MROH2B: variants seen among roughly 807,000 people sequenced by gnomAD.
MROH2B encodes the protein maestro heat-like repeat-containing protein family member 2B.
MROH2B carries 177 observed loss-of-function variants against 208.6 expected under a neutral mutation model. The observed-to-expected ratio is 0.85, with a 90% confidence interval of 0.75 to 0.96. MROH2B has a LOEUF of 0.96. Among genes scored for constraint, MROH2B ranks in the 40% least tolerant of loss-of-function variants. The pLI is 0.00. For missense variants in MROH2B, 2,002 were observed against 1,878.7 expected (o/e 1.07, Z -1.21); for synonymous variants, 728 against 659.0 (o/e 1.10, Z -1.60).
chr5:41,066,603 C>T (rs1195586190), intron 3 of MROH2B, among the ~76,000 whole-genome samples: 1 of 152,170 alleles, frequency 6.6e-6, no homozygotes, highest in African/African-American at 2.4e-5. Flanking sequence ...ACCCAGAAAT[C>T]TCAAACCCTG....
At chr5:41,037,409 A>C (rs1268153223) in intron 21 of MROH2B, among the ~76,000 whole-genome samples, 2 of 152,208 alleles carry the variant, frequency 1.3e-5, no homozygotes, top group Non-Finnish European at 2.9e-5. Flanking sequence ...CTTGAGGAGC[A>C]TGTTGAAAAT....
At chr5:41,000,472 A>G (rs1217483247) in intron 38 of MROH2B, 121 bp from the exon 39 acceptor site, 2 of 1,390,332 alleles carry the variant, frequency 1.4e-6, no homozygotes, top group South Asian at 3.0e-5. Context: ...ATGGCTTTAT[A>G]GTCATTGCTG....
At chr5:40,999,647 T>A in intron 40 of MROH2B, 30 bp downstream of exon 40, 5 of 1,573,712 alleles carry the variant, frequency 3.2e-6, no homozygotes, top group Non-Finnish European at 1.7e-6. Context: ...AGCAGACATA[T>A]CTGGGTAGGA....
At chr5:41,007,775 T>C (rs1741642706) in intron 33 of MROH2B, among the ~76,000 whole-genome samples, 1 of 152,254 alleles carries the variant, frequency 6.6e-6, no homozygotes, top group African/African-American at 2.4e-5. Context: ...GGATGCATCT[T>C]GCAGTAGATG....
intron 5 of MROH2B, 21 bp from the exon 6 acceptor site, chr5:41,061,745 C>T (rs373839916): frequency 1.2e-6 from 2 of 1,606,614 alleles, no homozygotes; most frequent in African/African-American, 1.3e-5. Context: ...AACACACAAC[C>T]ACAGACTGAG....
chr5:41,032,846 A>T (rs117373407), intron 23 of MROH2B, 25 bp from the exon 24 acceptor site: 1 of 1,600,716 alleles, frequency 6.2e-7, no homozygotes, highest in Non-Finnish European at 8.5e-7. Flanking sequence ...AGGAGATTAA[A>T]TGTTTCAGAA....
chr5:41,040,853 G>C (rs980517408), intron 19 of MROH2B, among the ~76,000 whole-genome samples: 10 of 151,912 alleles, frequency 6.6e-5, no homozygotes, highest in African/African-American at 2.4e-4. Context: ...TTTCAGTAGA[G>C]ATGGGGTTTC....
intron 3 of MROH2B, 37 bp from the exon 4 acceptor site, chr5:41,065,527 A>G: frequency 1.9e-6 from 3 of 1,581,256 alleles, no homozygotes; most frequent in Non-Finnish European, 2.6e-6. Flanking sequence ...AACAACTAGA[A>G]AAGGGGCAGA....
At chr5:41,007,668 C>T (rs1391430913) in intron 33 of MROH2B, among the ~76,000 whole-genome samples, 1 of 152,126 alleles carries the variant, frequency 6.6e-6, no homozygotes, top group African/African-American at 2.4e-5. Context: ...GCCACAAAAT[C>T]TTGTCAACAC....
chr5:41,043,786 C>T (rs928023281), intron 18 of MROH2B, among the ~76,000 whole-genome samples: 21 of 152,178 alleles, frequency 1.4e-4, no homozygotes, highest in Non-Finnish European at 2.6e-4. Flanking sequence ...TTTTGACTTG[C>T]TTTGGCCAAT....
chr5:41,000,107 C>T (rs1157296326), intron 39 of MROH2B, 113 bp downstream of exon 39: 9 of 1,409,594 alleles, frequency 6.4e-6, no homozygotes, highest in Non-Finnish European at 7.8e-6. Context: ...TGCCATCCTT[C>T]CAAGGCAGTT....
At chr5:41,036,741 T>C (rs908991544) in intron 21 of MROH2B, among the ~76,000 whole-genome samples, 1 of 152,060 alleles carries the variant, frequency 6.6e-6, no homozygotes, top group Non-Finnish European at 1.5e-5. Context: ...CTGGGTGCAA[T>C]ACACCCATGC....
chr5:40,999,364 A>G (rs1394876595), intron 40 of MROH2B, among the ~76,000 whole-genome samples: 1 of 152,114 alleles, frequency 6.6e-6, no homozygotes, highest in Non-Finnish European at 1.5e-5. Flanking sequence ...GTGTTTATGT[A>G]AGGGCAGCAG....
At chr5:41,007,504 T>C (rs960626016) in intron 33 of MROH2B, 50 bp from the exon 34 acceptor site, 1 of 1,400,540 alleles carries the variant, frequency 7.1e-7, no homozygotes, top group Non-Finnish European at 9.4e-7. Flanking sequence ...TTATAGGGAA[T>C]TGCAAATTCC....
At position 41,039,428 on chromosome 5, in the gene MROH2B, AAGG is replaced by A. The variant is rs1742872540; in HGVS notation, c.2061+17_2061+19del. 6 of 1,436,284 alleles carry A rather than the reference AAGG, an allele frequency of 4.2e-6. No individual in the cohort carries two copies. The highest frequency in any genetic ancestry group is 2.0e-5 in the Admixed American group (1 of 50,846). 89.0% of individuals were successfully genotyped at this position (1,436,284 alleles called of 1,614,324 possible). A position where few individuals can be genotyped will look rare whatever the true frequency, so the allele number is the denominator to read the frequency against. On this transcript the variant is annotated intron_variant, in intron 20 of 41. Transcript: ENST00000399564. ...CTGGCCTTGCAATACTGAGAATTTG[AAGG>A]AGATGATTCTTCTTACCTTACATCG... is the stretch of plus-strand genomic sequence containing the variant.
At position 41,039,446 on chromosome 5, in the gene MROH2B, A is replaced by G. The variant is rs373583874; in HGVS notation, c.2061+2T>C. 3.9e-5 allele frequency: 60 copies of G among 1,546,436 alleles called. No homozygotes were observed. In the African/African-American group the frequency reaches 5.8e-4, roughly 15 times the overall value. Reference sequence around the variant, plus strand: ...GAATTTGAAGGAGATGATTCTTCTTACCTTACATCGATTCATGAAAAACTT... The same window carrying G: ...GAATTTGAAGGAGATGATTCTTCTTGCCTTACATCGATTCATGAAAAACTT... On this transcript the variant is annotated splice_donor_variant, in intron 20 of 41. Transcript: ENST00000399564. LOFTEE classifies it high-confidence loss of function.
intron 10 of MROH2B, 114 bp downstream of exon 10, chr5:41,055,628 C>T (rs1051908791): frequency 6.0e-6 from 4 of 671,990 alleles, no homozygotes; most frequent in African/African-American, 5.4e-5. Context: ...ATTTCATTTG[C>T]ACGTGATGTT....
intron 18 of MROH2B, among the ~76,000 whole-genome samples, chr5:41,042,725 C>A (rs1742993878): frequency 6.6e-6 from 1 of 152,170 alleles, no homozygotes. Flanking sequence ...ATGCCTCAGC[C>A]TCCTGAGTAG....
chr5:41,002,127 A>G (rs1227874882), intron 37 of MROH2B, among the ~76,000 whole-genome samples: 1 of 152,238 alleles, frequency 6.6e-6, no homozygotes, highest in African/African-American at 2.4e-5. Flanking sequence ...GAGGAAGCTA[A>G]CCAAAAACAA....
Sources: gnomAD v4.1 joint callset for allele counts (sites outside exome capture counted in the v4.1 genomes callset) on GRCh38, gnomAD v4.1.1 for gene constraint, MANE v1.5 for transcripts, NCBI Gene and HGNC (gene_info 2026-07-23, HGNC 2026-07-21) for gene names.